The following FHL2 variants were observed in gnomAD, a reference collection of about 807,000 sequenced individuals.
FHL2 encodes the protein four and a half LIM domains protein 2.
Under a neutral mutation model 32.7 loss-of-function variants are expected in FHL2, and 20 were observed. That is an observed-to-expected ratio of 0.61 (90% CI 0.43 to 0.89). FHL2 has a LOEUF of 0.89. FHL2 is among the 40% of genes least tolerant of loss of function. The pLI is 0.00. For missense variants in FHL2, 311 were observed against 358.6 expected, an observed-to-expected ratio of 0.87 and a Z score of 1.07; for synonymous variants, 123 against 128.1, an observed-to-expected ratio of 0.96 and a Z score of 0.27.
intron 1 of FHL2, among the ~76,000 whole-genome samples, chr2:105,410,387 T>C (rs965795595): frequency 2.0e-5 from 3 of 152,114 alleles, no homozygotes; most frequent in Non-Finnish European, 4.4e-5. Context: ...TTCTAGAGGG[T>C]CCATGACCAT....
chr2:105,397,018 T>TG (rs1396527994), intron 1 of FHL2: 13 of 225,882 alleles, frequency 5.8e-5, no homozygotes, highest in Non-Finnish European at 1.1e-4. Context: ...CTGTTTTTTT[T>TG]TTTTTTTTTT....
chr2:105,385,649 C>T (rs1471783736), intron 3 of FHL2, among the ~76,000 whole-genome samples: 3 of 152,144 alleles, frequency 2.0e-5, no homozygotes, highest in Non-Finnish European at 4.4e-5. Context: ...GTGAAGGTAT[C>T]AGAGAGTTCA....
intron 1 of FHL2, among the ~76,000 whole-genome samples, chr2:105,431,717 C>T (rs904448003): frequency 6.6e-6 from 1 of 152,228 alleles, no homozygotes; most frequent in Non-Finnish European, 1.5e-5. Context: ...AGGAGACACA[C>T]TGTCTAATTT....
At chr2:105,391,877 C>G in intron 2 of FHL2, among the ~76,000 whole-genome samples, 1 of 152,236 alleles carries the variant, frequency 6.6e-6, no homozygotes, top group East Asian at 1.9e-4. Context: ...CATCAGGCAA[C>G]AGCCTGCAGG....
At chr2:105,368,855 G>T (rs937934808) in intron 4 of FHL2, among the ~76,000 whole-genome samples, 1 of 152,242 alleles carries the variant, frequency 6.6e-6, no homozygotes, top group Admixed American at 6.5e-5. Context: ...GGAAAGTGTT[G>T]TAAGTGCCCG....
chr2:105,394,653 C>G (rs1682999855), intron 2 of FHL2, among the ~76,000 whole-genome samples: 1 of 151,874 alleles, frequency 6.6e-6, no homozygotes, highest in Non-Finnish European at 1.5e-5. Context: ...TATCTAGCAT[C>G]CACTTGAAAT....
intron 4 of FHL2, among the ~76,000 whole-genome samples, chr2:105,370,212 C>CCA (rs1558686476): frequency 1.3e-5 from 2 of 151,722 alleles, no homozygotes; most frequent in African/African-American, 4.8e-5. Flanking sequence ...GTCTCTACCC[C>CCA]CCCAAAAAAA....
rs149328085 is a variant in FHL2, at chr2:105,392,951, C to A, written c.-25+3696G>T. 2.4e-3 allele frequency among the ~76,000 whole-genome samples: 360 copies of A among 149,932 alleles called. 1 individual carries two copies. Among genetic ancestry groups the A allele is most frequent in the African/African-American group, 8.5e-3 (347 of 40,864 alleles). On this transcript the variant is annotated intron_variant, in intron 2 of 6. Transcript: ENST00000530340. ...TCTCCTGTCTCAGCCTCCCAAGTAG[C>A]TGGTATTACAGGCGTGCATCACCGC...
intron 1 of FHL2, among the ~76,000 whole-genome samples, chr2:105,409,933 A>G (rs1683744638): frequency 6.6e-6 from 1 of 152,232 alleles, no homozygotes; most frequent in Admixed American, 6.5e-5. Context: ...GGCCAGTGCC[A>G]AGTACGCTGG....
intron 1 of FHL2, among the ~76,000 whole-genome samples, chr2:105,429,518 A>G (rs1045591863): frequency 6.6e-6 from 1 of 152,220 alleles, no homozygotes; most frequent in Non-Finnish European, 1.5e-5. Context: ...AGAAGGGGCC[A>G]TGAGCCAAGG....
upstream of FHL2, chr2:105,399,676 A>G: frequency 1.4e-6 from 2 of 1,466,000 alleles, no homozygotes; most frequent in South Asian, 2.8e-5. Context: ...GTGAGCTGGG[A>G]GCGTGCCTCC....
chr2:105,404,286 A>T (rs767899621), intron 1 of FHL2, among the ~76,000 whole-genome samples: 1 of 152,228 alleles, frequency 6.6e-6, no homozygotes. Context: ...TTTGCCCTTG[A>T]TTCAGAGGCA....
At chr2:105,368,334 G>T (rs1156464488) in intron 4 of FHL2, among the ~76,000 whole-genome samples, 1 of 151,610 alleles carries the variant, frequency 6.6e-6, no homozygotes, top group African/African-American at 2.4e-5. Flanking sequence ...CCTACATGTA[G>T]TTTTTTTTTG....
intron 1 of FHL2, among the ~76,000 whole-genome samples, chr2:105,426,501 G>A (rs10169988): frequency 0.58 from 88,548 of 152,030 alleles, 26,884 homozygotes; most frequent in Non-Finnish European, 0.68. Flanking sequence ...GCCTAGGGTC[G>A]CTCTCTTCTG....
chr2:105,415,034 T>A (rs1204920699), intron 1 of FHL2, among the ~76,000 whole-genome samples: 2 of 152,244 alleles, frequency 1.3e-5, no homozygotes, highest in Non-Finnish European at 2.9e-5. Context: ...GTTATATTAG[T>A]ATATGTTTGT....
intron 1 of FHL2, among the ~76,000 whole-genome samples, chr2:105,418,666 G>A (rs936105496): frequency 3.3e-5 from 5 of 152,126 alleles, no homozygotes; most frequent in Non-Finnish European, 5.9e-5. Context: ...TCTATAAAGT[G>A]TATTTATTCA....
intron 1 of FHL2, among the ~76,000 whole-genome samples, chr2:105,428,191 C>T (rs1684319627): frequency 6.6e-6 from 1 of 152,168 alleles, no homozygotes; most frequent in Non-Finnish European, 1.5e-5. Context: ...TTTTAGATTC[C>T]AGTCCTGGAG....
chr2:105,428,219 A>G lies in FHL2; in HGVS notation c.-25+10180T>C, dbSNP rs573384993. On this transcript the variant is annotated intron_variant, in intron 1 of 5. Transcript: ENST00000393352. ...TCCTGGAGGCCCTGAGCCACCCCCA[A>G]GTGAGTGGAGGTATGCGTATATGTG... Among the ~76,000 whole-genome samples the G allele has an allele frequency of 9.2e-4, 140 of 152,268 alleles. 3 individuals carry two copies. The South Asian group carries it at 0.025, about 27-fold the overall frequency.
chr2:105,380,399 A>G (rs1185753284), intron 3 of FHL2, among the ~76,000 whole-genome samples: 1 of 152,004 alleles, frequency 6.6e-6, no homozygotes, highest in Non-Finnish European at 1.5e-5. Flanking sequence ...TCTATCTATC[A>G]TCTATCTGTT....
Sources: allele counts gnomAD v4.1 joint callset (sites outside exome capture counted in the v4.1 genomes callset), GRCh38; gene constraint gnomAD v4.1.1; transcripts MANE v1.5; gene names NCBI Gene and HGNC (gene_info 2026-07-23, HGNC 2026-07-21).